The following CPEB3 variants were observed in gnomAD, a reference collection of about 807,000 sequenced individuals.
CPEB3 encodes cytoplasmic polyadenylation element-binding protein 3.
CPEB3 carries 20 observed loss-of-function variants against 67.2 expected under a neutral mutation model. The ratio of observed to expected loss-of-function variants is 0.30; its 90% confidence interval spans 0.21 to 0.43. The LOEUF is 0.43. CPEB3 is among the 20% of genes least tolerant of loss of function. CPEB3 has a pLI of 1.00. For missense variants in CPEB3, 746 were observed against 968.6 expected (o/e 0.77, Z 3.05); for synonymous variants, 376 against 393.1 (o/e 0.96, Z 0.51).
intron 2 of CPEB3, chr10:92,216,279 CAT>C (rs1237526371): frequency 8.0e-6 from 12 of 1,498,990 alleles, no homozygotes; most frequent in Non-Finnish European, 1.1e-5. Flanking sequence ...CTACTAAAAA[CAT>C]AAAATTTGGC....
chr10:92,185,511 T>C (rs1161329812), intron 3 of CPEB3, among the ~76,000 whole-genome samples: 1 of 152,198 alleles, frequency 6.6e-6, no homozygotes, highest in African/African-American at 2.4e-5. Context: ...GATTCAAAGT[T>C]TCAGAATCCA....
At chr10:92,104,102 C>T (rs181375497) in intron 7 of CPEB3, among the ~76,000 whole-genome samples, 1 of 152,288 alleles carries the variant, frequency 6.6e-6, no homozygotes, top group East Asian at 1.9e-4. Context: ...TAAGACTTCT[C>T]AGAACCTTAA....
intron 9 of CPEB3, among the ~76,000 whole-genome samples, chr10:92,059,882 G>A (rs993022066): frequency 1.5e-4 from 22 of 151,300 alleles, no homozygotes; most frequent in African/African-American, 2.7e-4. Context: ...AGTTGAACCC[G>A]GGAGGCGGAG....
chr10:92,079,914 T>A (rs1003496737), intron 9 of CPEB3, among the ~76,000 whole-genome samples: 1 of 152,062 alleles, frequency 6.6e-6, no homozygotes, highest in South Asian at 2.1e-4. Context: ...CAAGACTTGG[T>A]GCTCGGCCAG....
At chr10:92,159,338 T>C (rs1163617035) in intron 4 of CPEB3, among the ~76,000 whole-genome samples, 4 of 151,780 alleles carry the variant, frequency 2.6e-5, no homozygotes, top group African/African-American at 7.3e-5. Context: ...GGAAGATAAT[T>C]TGGAGTTACA....
intron 1 of CPEB3, among the ~76,000 whole-genome samples, chr10:92,288,909 T>G (rs1278728380): frequency 6.6e-6 from 1 of 152,136 alleles, no homozygotes; most frequent in African/African-American, 2.4e-5. Flanking sequence ...ACAATAAGGT[T>G]AGACTGACAC....
At chr10:92,062,115 C>A (rs572241485) in intron 9 of CPEB3, among the ~76,000 whole-genome samples, 1 of 151,566 alleles carries the variant, frequency 6.6e-6, no homozygotes, top group Admixed American at 6.6e-5. Flanking sequence ...GGTGGTGGCG[C>A]CTGTAATTCC....
chr10:92,136,518 C>T (rs1198529402), intron 6 of CPEB3, among the ~76,000 whole-genome samples: 1 of 152,032 alleles, frequency 6.6e-6, no homozygotes, highest in African/African-American at 2.4e-5. Flanking sequence ...GATTTAAAAA[C>T]GGGCAAAAGA....
At chr10:92,177,003 C>T (rs148931088) in intron 4 of CPEB3, among the ~76,000 whole-genome samples, 7 of 152,112 alleles carry the variant, frequency 4.6e-5, no homozygotes, top group Admixed American at 4.6e-4. Flanking sequence ...ATTTGTGGCC[C>T]AGGACAATTA....
intron 2 of CPEB3, among the ~76,000 whole-genome samples, chr10:92,212,015 C>G (rs760596734): frequency 1.3e-5 from 2 of 151,126 alleles, no homozygotes; most frequent in Admixed American, 1.3e-4. Context: ...TACAGGCACC[C>G]GCCACCACTC....
chr10:92,289,733 ATATAT>A (rs1231295395), intron 1 of CPEB3, among the ~76,000 whole-genome samples: 11 of 44,832 alleles, frequency 2.5e-4, no homozygotes, highest in South Asian at 5.4e-4. Context: ...AAAAAAAAAA[ATATAT>A]ATATATATAT....
chr10:92,169,138 TTTG>T (rs1023769878), intron 4 of CPEB3, among the ~76,000 whole-genome samples: 2 of 138,158 alleles, frequency 1.4e-5, no homozygotes, highest in African/African-American at 6.4e-5. Flanking sequence ...TTGAGCAGGT[TTTG>T]TTGTTTTTTT....
chr10:92,239,367 A>G lies in CPEB3; in HGVS notation c.984T>C (p.Gly328=), dbSNP rs757232956. 6.2e-7 allele frequency: 1 copy of G among 1,606,384 alleles called. No individual in the cohort carries two copies. Among genetic ancestry groups the G allele is most frequent in the Non-Finnish European group, 8.5e-7 (1 of 1,176,576 alleles). ...MEDNAFRTDN[G]NNLLPFQDRS... ...TTACCTGAAATGGCAACAGATTGTT[A>G]CCATTATCGGTCCGGAAAGCGTTAT... Residue 328 remains glycine (G), a synonymous_variant, in exon 2 of 10, where the codon GGT becomes GGC. Transcript: ENST00000265997. This position sits in a 1 kb window ranked among gnomAD's most constrained non-coding sequence, Gnocchi z 6.0.
At chr10:92,113,733 G>A (rs955583234) in intron 6 of CPEB3, among the ~76,000 whole-genome samples, 1 of 152,050 alleles carries the variant, frequency 6.6e-6, no homozygotes, top group African/African-American at 2.4e-5. Flanking sequence ...TTGACCTTGG[G>A]CATCCAAAGA....
chr10:92,227,597 CTT>C (rs1181315169), intron 2 of CPEB3, among the ~76,000 whole-genome samples: 5 of 142,364 alleles, frequency 3.5e-5, no homozygotes, highest in African/African-American at 2.5e-5. Flanking sequence ...TTATTTTTTT[CTT>C]TTTTTTTTTT....
At chr10:92,202,120 C>T (rs1468059037) in intron 2 of CPEB3, among the ~76,000 whole-genome samples, 1 of 152,104 alleles carries the variant, frequency 6.6e-6, no homozygotes, top group Non-Finnish European at 1.5e-5. Context: ...ACTCCAAATG[C>T]TGACTAGGAT....
At chr10:92,145,166 T>G (rs1846619738) in intron 4 of CPEB3, 81 bp from the exon 5 acceptor site, 1 of 1,531,366 alleles carries the variant, frequency 6.5e-7, no homozygotes, top group Non-Finnish European at 9.0e-7. Context: ...GGACAATAAA[T>G]GCTCTATTAG....
intron 1 of CPEB3, among the ~76,000 whole-genome samples, chr10:92,287,488 A>T (rs1335074985): frequency 6.6e-6 from 1 of 152,206 alleles, no homozygotes; most frequent in East Asian, 1.9e-4. Context: ...AATATGTGTC[A>T]CCCATTTCAA....
At chr10:92,069,313 C>G (rs528996905) in intron 9 of CPEB3, among the ~76,000 whole-genome samples, 2 of 152,202 alleles carry the variant, frequency 1.3e-5, no homozygotes, top group African/African-American at 4.8e-5. Context: ...AAGGTACTTG[C>G]AAAGAATGGT....
Sources: allele counts gnomAD v4.1 joint callset (sites outside exome capture counted in the v4.1 genomes callset), GRCh38; gene constraint gnomAD v4.1.1; non-coding constraint Gnocchi (gnomAD v3.1); transcripts MANE v1.5; gene names NCBI Gene and HGNC (gene_info 2026-07-23, HGNC 2026-07-21).